The following KIF26A variants were observed in gnomAD, a reference collection of about 807,000 sequenced individuals.
KIF26A encodes the protein kinesin family member 26A.
KIF26A carries 74 observed loss-of-function variants against 126.0 expected under a neutral mutation model. The ratio of observed to expected loss-of-function variants is 0.59; its 90% confidence interval spans 0.49 to 0.71. KIF26A has a LOEUF of 0.71. KIF26A is among the 30% of genes least tolerant of loss of function. KIF26A has a pLI of 0.00. For synonymous variants in KIF26A, 1,445 were observed against 1,232.7 expected, an observed-to-expected ratio of 1.17 and a Z score of -3.61; for missense variants, 2,984 against 2,763.3, an observed-to-expected ratio of 1.08 and a Z score of -1.79.
chr14:104,178,918 C>T lies in KIF26A; in HGVS notation c.5316+163C>T, dbSNP rs192220352. Reference sequence around the variant, plus strand: ...TCCTCCCAGGACGCAAAGGTAGGAGCGGCCCTGCCCAGCCCAAGCCTGTTG... The same window carrying T: ...TCCTCCCAGGACGCAAAGGTAGGAGTGGCCCTGCCCAGCCCAAGCCTGTTG... On this transcript the variant is annotated intron_variant, in intron 13 of 14. Coordinates refer to ENST00000423312, the MANE Select transcript of KIF26A (RefSeq NM_015656.2). 3.1e-3 allele frequency among the ~76,000 whole-genome samples: 472 copies of T among 152,266 alleles called. 1 individual carries two copies. Among genetic ancestry groups the T allele is most frequent in the African/African-American group, 0.011 (443 of 41,542 alleles).
intron 4 of KIF26A, among the ~76,000 whole-genome samples, chr14:104,158,401 C>T (rs184046152): frequency 4.6e-5 from 7 of 152,292 alleles, no homozygotes; most frequent in African/African-American, 1.4e-4. Context: ...GGGGGCTGCC[C>T]GGGGGAGGCG....
intron 5 of KIF26A, among the ~76,000 whole-genome samples, chr14:104,170,773 C>T (rs760670408): frequency 6.6e-6 from 1 of 152,242 alleles, no homozygotes; most frequent in Non-Finnish European, 1.5e-5. Flanking sequence ...GGATGGGTTT[C>T]GGAGTGTTTG....
chr14:104,179,247 C>A lies in KIF26A; in HGVS notation c.5328C>A (p.Cys1776Ter). 1 of 1,503,728 alleles carries A rather than the reference C, an allele frequency of 6.7e-7. No individual in the cohort carries two copies. Among genetic ancestry groups the A allele is most frequent in the South Asian group, 1.3e-5 (1 of 78,442 alleles). 93.1% of individuals were successfully genotyped at this position (1,503,728 alleles called of 1,614,324 possible). A position where few individuals can be genotyped will look rare whatever the true frequency, so the allele number is the denominator to read the frequency against. Residue 1776 changes from cysteine (C) to a stop codon, truncating the protein, a stop_gained, in exon 14 of 15, where the codon TGC becomes TGA. Transcript: ENST00000423312. LOFTEE classifies it high-confidence loss of function. The part of the protein sequence containing the change: ...PREAPTQGLA[C>*]VSTRLRLAER... ...GCCCTGCCTCCCAGGGTCTGGCGTG[C>A]GTCAGTACAAGGCTGCGGCTGGCGG...
At chr14:104,158,071 G>A in intron 4 of KIF26A, 129 bp downstream of exon 4, 2 of 894,992 alleles carry the variant, frequency 2.2e-6, no homozygotes, top group South Asian at 2.3e-5. Context: ...AGTGGATGGG[G>A]AGCTGCTCCG....
intron 4 of KIF26A, among the ~76,000 whole-genome samples, chr14:104,165,165 C>G (rs1566860616): frequency 6.7e-6 from 1 of 150,306 alleles, no homozygotes; most frequent in African/African-American, 2.5e-5. Context: ...GTGTGTATCT[C>G]TATGCATGTG....
At chr14:104,172,524 C>G in intron 6 of KIF26A, 51 bp from the exon 7 acceptor site, 1 of 1,414,506 alleles carries the variant, frequency 7.1e-7, no homozygotes, top group Non-Finnish European at 9.9e-7. Context: ...GGCCCACAGA[C>G]GTGGCAGAAG....
chr14:104,165,902 A>G (rs2037893928), intron 4 of KIF26A, among the ~76,000 whole-genome samples: 1 of 148,292 alleles, frequency 6.7e-6, no homozygotes, highest in Admixed American at 6.7e-5. Flanking sequence ...AGTCCACCCC[A>G]GTGGCTCCCA....
intron 2 of KIF26A, among the ~76,000 whole-genome samples, chr14:104,141,720 C>A (rs912589143): frequency 6.6e-6 from 1 of 151,660 alleles, no homozygotes; most frequent in Non-Finnish European, 1.5e-5. Flanking sequence ...GAGGGTCGGG[C>A]CCAGCCTGCC....
rs1049702409 is a variant in KIF26A, at chr14:104,152,432, G to C, written c.706G>C (p.Val236Leu). The C allele has an allele frequency of 6.3e-7, 1 of 1,591,402 alleles. No homozygotes were observed. Among genetic ancestry groups the C allele is most frequent in the Admixed American group, 1.7e-5 (1 of 57,288 alleles). Reference sequence around the variant, plus strand: ...GGAGGGCATGTGGAGTGTCTCGCGGGTCAACAGCTTCCTCCCGCCGGCGTG... The same window carrying C: ...GGAGGGCATGTGGAGTGTCTCGCGGCTCAACAGCTTCCTCCCGCCGGCGTG... ...CLEGMWSVSRVNSFLPPACLA... is the reference protein window; with the variant it reads ...CLEGMWSVSRLNSFLPPACLA... The change falls in exon 3 of 15, where the codon GTC (valine) becomes CTC (leucine). Residue 236 changes from valine (V) to leucine (L), a missense_variant. Transcript: ENST00000423312. This position sits in a 1 kb window ranked among gnomAD's most constrained non-coding sequence, Gnocchi z 5.9.
intron 2 of KIF26A, among the ~76,000 whole-genome samples, chr14:104,145,716 C>A (rs1300530929): frequency 6.6e-6 from 1 of 152,226 alleles, no homozygotes; most frequent in Non-Finnish European, 1.5e-5. Flanking sequence ...CGGTTCACGG[C>A]TGTAGCCCGG....
intron 11 of KIF26A, 143 bp from the exon 12 acceptor site, chr14:104,174,839 C>T (rs562962063): frequency 1.1e-5 from 9 of 853,582 alleles, no homozygotes; most frequent in African/African-American, 3.4e-5. Context: ...CCGCTCCCAG[C>T]GTTTGGTGGG....
In KIF26A at chr14:104,146,576, C is replaced by T. The variant is rs894105573; in HGVS notation, c.289-5439C>T. Among the ~76,000 whole-genome samples, 16 of 152,172 alleles carry T rather than the reference C, an allele frequency of 1.1e-4. No individual in the cohort carries two copies. The East Asian group carries it at 1.8e-3, about 17-fold the overall frequency. On this transcript the variant is annotated intron_variant, in intron 2 of 14. Coordinates refer to ENST00000423312, the MANE Select transcript of KIF26A (RefSeq NM_015656.2). Reference sequence around the variant, plus strand: ...ATCCTCTGTGCCTGCTGCTGCCCCACGTGGTGGGGAAGAAGTGGGGGCAGC... The same window carrying T: ...ATCCTCTGTGCCTGCTGCTGCCCCATGTGGTGGGGAAGAAGTGGGGGCAGC...
chr14:104,177,051 C>A lies in KIF26A; in HGVS notation c.4263C>A (p.Ala1421=). ...SVPRATSSLK[A]RASKVEAAHR... is the part of the protein sequence containing the mutation. ...CCAGGGCCACGTCCAGCCTGAAGGC[C>A]CGGGCCAGCAAGGTAGAAGCAGCAC... is the stretch of plus-strand genomic sequence containing the variant. The change falls in exon 12 of 15, where the codon GCC becomes GCA. Residue 1421 remains alanine (A), a synonymous_variant. Transcript: ENST00000423312. 6.3e-7 allele frequency: 1 copy of A among 1,585,724 alleles called. No homozygotes were observed. The highest frequency in any genetic ancestry group is 8.5e-7 in the Non-Finnish European group (1 of 1,174,336).
chr14:104,139,381 C>A, intron 2 of KIF26A, 93 bp downstream of exon 2: 1 of 1,313,538 alleles, frequency 7.6e-7, no homozygotes, highest in Non-Finnish European at 9.9e-7. Context: ...GGTTCCACTC[C>A]TTCCCTGCTG....
intron 2 of KIF26A, among the ~76,000 whole-genome samples, chr14:104,147,404 C>T (rs1013150818): frequency 9.9e-5 from 15 of 152,150 alleles, no homozygotes; most frequent in African/African-American, 2.4e-4. Flanking sequence ...GTTGTGTCCC[C>T]GCTCCCTCCC....
chr14:104,161,395 G>T lies in KIF26A; in HGVS notation c.923+3453G>T, dbSNP rs12887765. On this transcript the variant is annotated intron_variant, in intron 4 of 14. Transcript: ENST00000423312. ...TTGGCCATAAGTGATTCCTGCACGC[G>T]ACAGAACAGGCTCGTGTGTCTCCTT... 2.6e-5 allele frequency among the ~76,000 whole-genome samples: 4 copies of T among 152,240 alleles called. No individual in the cohort carries two copies. In the East Asian group the frequency reaches 5.8e-4, roughly 22 times the overall value.
Position 104,176,030 on chromosome 14 carries a change from A to G in KIF26A, c.3242A>G (p.Asp1081Gly). The G allele has an allele frequency of 6.3e-7, 1 of 1,594,420 alleles. No homozygotes were observed. Among genetic ancestry groups the G allele is most frequent in the African/African-American group, 1.3e-5 (1 of 74,800 alleles). ...RPVSIISSIN[D>G]EFDAYTSQAP... is the part of the protein sequence containing the mutation. The stretch of plus-strand genomic sequence containing the variant: ...GTCAGCATCATCAGCAGCATCAATG[A>G]TGAGTTTGACGCCTACACCTCTCAG... Residue 1081 changes from aspartate to glycine, a missense_variant, in exon 12 of 15, where the codon GAT becomes GGT. Coordinates refer to ENST00000423312, the MANE Select transcript of KIF26A (RefSeq NM_015656.2).
At chr14:104,141,549 A>G (rs1381003252) in intron 2 of KIF26A, among the ~76,000 whole-genome samples, 55 of 136,032 alleles carry the variant, frequency 4.0e-4, no homozygotes, top group African/African-American at 8.8e-4. Flanking sequence ...CCAGCCTGCC[A>G]GGGTCTCCCT....
chr14:104,159,629 C>T (rs537437490), intron 4 of KIF26A, among the ~76,000 whole-genome samples: 25 of 152,366 alleles, frequency 1.6e-4, no homozygotes, highest in African/African-American at 4.3e-4. Flanking sequence ...ACCAGCGCAT[C>T]GGGCTGGGGA....
Sources: gnomAD v4.1 joint callset for allele counts (sites outside exome capture counted in the v4.1 genomes callset) on GRCh38, gnomAD v4.1.1 for gene constraint, Gnocchi (gnomAD v3.1) non-coding constraint, MANE v1.5 for transcripts, NCBI Gene and HGNC (gene_info 2026-07-23, HGNC 2026-07-21) for gene names.